Variants in SIAH3 observed in about 807,000 individuals in gnomAD.
SIAH3 encodes the protein siah E3 ubiquitin protein ligase family member 3, also known as seven in absentia homolog 3.
In SIAH3, 9 loss-of-function variants were observed where a neutral mutation model predicts 12.6. The ratio of observed to expected loss-of-function variants is 0.72; its 90% CI spans 0.43 to 1.25. The LOEUF (loss-of-function observed/expected upper bound fraction) is 1.25. Ranked by LOEUF, SIAH3 falls within the 50% of genes most tolerant of loss-of-function variation. The pLI, the probability that SIAH3 is intolerant of heterozygous loss-of-function variation, is 0.00. For missense variants in SIAH3, 390 were observed against 365.4 expected, an observed-to-expected ratio of 1.07 and a Z score of -0.55; for synonymous variants, 154 against 151.1, an observed-to-expected ratio of 1.02 and a Z score of -0.14.
rs1422293097 is a variant in SIAH3 at position 45,779,373 on chromosome 13, A to T, written c.*4010T>A. 1 of 152,228 alleles carries T rather than the reference A, an allele frequency of 6.6e-6. No homozygotes were observed. Among genetic ancestry groups the T allele is most frequent in the Non-Finnish European group, 1.5e-5 (1 of 68,038 alleles). The allele number at this position is 152,228 out of a possible 1,614,324, so 9.4% of individuals were successfully genotyped here. A position where few individuals can be genotyped will look rare whatever the true frequency, so the allele number is the denominator to read the frequency against. ...TAACAACCAGAATACAAGCAGCTCT[A>T]GTACTCCACTAGGTCTTGGGTTGAA... On this transcript the variant is annotated 3_prime_UTR_variant, in exon 2 of 2. Transcript: ENST00000400405.
intron 1 of SIAH3, among the ~76,000 whole-genome samples, chr13:45,833,028 A>T (rs933728209): frequency 6.6e-6 from 1 of 152,242 alleles, no homozygotes; most frequent in Non-Finnish European, 1.5e-5. Context: ...TGCCAATGAC[A>T]GCCAGAAAAC....
intron 1 of SIAH3, among the ~76,000 whole-genome samples, chr13:45,811,211 G>A (rs1196273753): frequency 1.3e-5 from 2 of 152,216 alleles, no homozygotes; most frequent in African/African-American, 4.8e-5. Flanking sequence ...GGTAATGAGT[G>A]CTGGTGGTGG....
intron 1 of SIAH3, among the ~76,000 whole-genome samples, chr13:45,817,306 G>C (rs961699409): frequency 3.3e-5 from 5 of 152,236 alleles, no homozygotes; most frequent in Admixed American, 6.5e-5. Context: ...GTGCAGGTTT[G>C]TAACCTAGGA....
At chr13:45,808,763 C>T (rs1384847800) in intron 1 of SIAH3, among the ~76,000 whole-genome samples, 2 of 152,148 alleles carry the variant, frequency 1.3e-5, no homozygotes, top group East Asian at 3.8e-4. Context: ...TTGGACTCAA[C>T]ACTGGGCACA....
At chr13:45,794,495 A>G (rs1950556278) in intron 1 of SIAH3, among the ~76,000 whole-genome samples, 1 of 152,168 alleles carries the variant, frequency 6.6e-6, no homozygotes, top group African/African-American at 2.4e-5. Context: ...CTTGAATTGT[A>G]GCTCCCATAA....
chr13:45,840,014 T>C (rs1485946683), intron 1 of SIAH3, among the ~76,000 whole-genome samples: 2 of 152,060 alleles, frequency 1.3e-5, no homozygotes, highest in Non-Finnish European at 2.9e-5. Context: ...TCCCAGCACT[T>C]CGGGAGGCCG....
chr13:45,783,283 AAG>A lies in SIAH3; in HGVS notation c.*98_*99del. 1.3e-6 allele frequency: 1 copy of A among 799,888 alleles called. No individual in the cohort carries two copies. The highest frequency in any genetic ancestry group is 1.8e-6 in the Non-Finnish European group (1 of 557,488). The allele number at this position is 799,888 out of a possible 1,614,324, so 49.5% of individuals were successfully genotyped here. On this transcript the variant is annotated 3_prime_UTR_variant, in exon 2 of 2. Transcript: ENST00000400405. ...ATAATTAAAAATTAAAAAAAAAAAAAAGAAAGGAGAAGAATAAAAAGGAGTCT... is the reference window on the plus strand; with the variant it reads ...ATAATTAAAAATTAAAAAAAAAAAAAAAAGGAGAAGAATAAAAAGGAGTCT...
intron 1 of SIAH3, among the ~76,000 whole-genome samples, chr13:45,802,234 A>T (rs1157590858): frequency 6.6e-6 from 1 of 152,182 alleles, no homozygotes; most frequent in African/African-American, 2.4e-5. Context: ...TGAACCCGGG[A>T]GGTGGATGCT....
intron 1 of SIAH3, among the ~76,000 whole-genome samples, chr13:45,792,733 CA>C (rs1950550229): frequency 6.6e-6 from 1 of 152,054 alleles, no homozygotes; most frequent in Admixed American, 6.5e-5. Context: ...TCTTTTTGAG[CA>C]TTTATATAGA....
At position 45,783,891 on chromosome 13, in the gene SIAH3, G is replaced by A. The variant is rs1950515571; in HGVS notation, c.302C>T (p.Pro101Leu). 9 of 1,612,422 alleles carry A rather than the reference G, an allele frequency of 5.6e-6. No homozygotes were observed. The highest frequency in any genetic ancestry group is 1.3e-5 in the African/African-American group (1 of 75,052). ...ACACATGCACAGGCAGGGCGTCACCGGGTTGGCGTGCAGCCCCGCCTCCTG... is the reference window on the plus strand; with the variant it reads ...ACACATGCACAGGCAGGGCGTCACCAGGTTGGCGTGCAGCCCCGCCTCCTG... ...HHQEAGLHANPVTPCLCMCPL... is the reference protein window; with the variant it reads ...HHQEAGLHANLVTPCLCMCPL... The change falls in exon 2 of 2, where the codon CCG (proline) becomes CTG (leucine). Residue 101 changes from proline to leucine, a missense_variant. Coordinates refer to ENST00000400405, the MANE Select transcript of SIAH3 (RefSeq NM_198849.3).
chr13:45,792,418 C>T (rs933423364), intron 1 of SIAH3, among the ~76,000 whole-genome samples: 9 of 150,662 alleles, frequency 6.0e-5, no homozygotes, highest in Admixed American at 2.6e-4. Context: ...AGTGCAATGG[C>T]GTAATCTTGG....
intron 1 of SIAH3, among the ~76,000 whole-genome samples, chr13:45,847,587 C>A (rs927446548): frequency 4.0e-5 from 6 of 151,274 alleles, no homozygotes; most frequent in Non-Finnish European, 5.9e-5. Context: ...CTTAAAGCCA[C>A]GATTGTCCCA....
intron 1 of SIAH3, among the ~76,000 whole-genome samples, chr13:45,787,634 C>T (rs1950532679): frequency 6.6e-6 from 1 of 152,138 alleles, no homozygotes; most frequent in South Asian, 2.1e-4. Context: ...CATGGATGTT[C>T]AAGAAGTGAC....
chr13:45,783,778 C>G lies in SIAH3; in HGVS notation c.415G>C (p.Ala139Pro). 1.2e-6 allele frequency: 2 copies of G among 1,614,200 alleles called. No homozygotes were observed. The highest frequency in any genetic ancestry group is 1.7e-5 in the Admixed American group (1 of 60,030). Residue 139 changes from alanine (A) to proline (P), a missense_variant, in exon 2 of 2, where the codon GCC (alanine) becomes CCC (proline). Physicochemically the swap from Ala to Pro is conservative, Grantham distance 27. Coordinates refer to ENST00000400405, the MANE Select transcript of SIAH3 (RefSeq NM_198849.3). ...TCCGTGGCCAGGAAGACGATCTCGGCTCCCTGGAGGATGTCAACCCTATGG... is the reference window on the plus strand; with the variant it reads ...TCCGTGGCCAGGAAGACGATCTCGGGTCCCTGGAGGATGTCAACCCTATGG... ...QIHRVDILQG[A>P]EIVFLATDMH...
intron 1 of SIAH3, among the ~76,000 whole-genome samples, chr13:45,845,717 A>C (rs1192320848): frequency 6.6e-6 from 1 of 152,078 alleles, no homozygotes; most frequent in Non-Finnish European, 1.5e-5. Context: ...AAAATTTTTA[A>C]ATTTTTTTTC....
In SIAH3 at chr13:45,818,018, T is replaced by C. The variant is rs541389480; in HGVS notation, c.135+33477A>G. On this transcript the variant is annotated intron_variant, in intron 1 of 1. Transcript: ENST00000400405. ...CTGATGCCTTCCTACTGCAAGTTCC[T>C]GCAACTCTGTGCCCTAGAGGGAGCT... Among the ~76,000 whole-genome samples, 5 of 152,314 alleles carry C rather than the reference T, an allele frequency of 3.3e-5. No individual in the cohort carries two copies. The South Asian group carries it at 1.0e-3, about 32-fold the overall frequency.
intron 1 of SIAH3, among the ~76,000 whole-genome samples, chr13:45,826,662 A>G (rs1950678813): frequency 6.6e-6 from 1 of 152,186 alleles, no homozygotes; most frequent in African/African-American, 2.4e-5. Flanking sequence ...CATAGTGGAC[A>G]TGTTAAACAT....
At position 45,784,068 on chromosome 13, in the gene SIAH3, A is replaced by G; in HGVS notation, c.136-11T>C. 2.6e-6 allele frequency: 4 copies of G among 1,562,438 alleles called. No homozygotes were observed. The highest frequency in any genetic ancestry group is 2.6e-6 in the Non-Finnish European group (3 of 1,155,000). The stretch of plus-strand genomic sequence containing the variant: ...CCGACTGGACACATACTGTAAGGAA[A>G]GAGAAGAACGTCAGTGCGGGGATGA... On this transcript the variant is annotated splice_polypyrimidine_tract_variant and intron_variant, in intron 1 of 1. Coordinates refer to ENST00000400405, the MANE Select transcript of SIAH3 (RefSeq NM_198849.3).
rs1261132096 is a variant in SIAH3, at chr13:45,782,946, C to T, written c.*437G>A. On this transcript the variant is annotated 3_prime_UTR_variant, in exon 2 of 2. Transcript: ENST00000400405. ...CCCCTTCCCCAACCTGCCGACTGCACACGTTCAGATTTAGCTTGCTCTGAA... is the reference window on the plus strand; with the variant it reads ...CCCCTTCCCCAACCTGCCGACTGCATACGTTCAGATTTAGCTTGCTCTGAA... The T allele has an allele frequency of 6.6e-6, 1 of 152,494 alleles. No individual in the cohort carries two copies. The highest frequency in any genetic ancestry group is 1.5e-5 in the Non-Finnish European group (1 of 68,290). 9.4% of individuals were successfully genotyped at this position (152,494 alleles called of 1,614,324 possible). A position where few individuals can be genotyped will look rare whatever the true frequency, so the allele number is the denominator to read the frequency against.
Sources: allele counts gnomAD v4.1 joint callset (sites outside exome capture counted in the v4.1 genomes callset), GRCh38; gene constraint gnomAD v4.1.1; transcripts MANE v1.5; gene names NCBI Gene and HGNC (gene_info 2026-07-23, HGNC 2026-07-21).